BMP2K: variants seen among roughly 807,000 people sequenced by gnomAD.
BMP2K encodes the protein BMP-2-inducible protein kinase.
BMP2K carries 74 observed loss-of-function variants against 116.0 expected under a neutral mutation model. The ratio of observed to expected loss-of-function variants is 0.64; its 90% CI spans 0.53 to 0.77. The LOEUF (loss-of-function observed/expected upper bound fraction) is 0.77, where lower values mean the gene tolerates loss of function less well. BMP2K is among the 30% of genes least tolerant of loss of function. The pLI is 0.00. For missense variants in BMP2K, 1,365 were observed against 1,403.6 expected (o/e 0.97, Z 0.44); for synonymous variants, 486 against 502.5 (o/e 0.97, Z 0.44).
chr4:78,821,437 T>C (rs961688996), intron 1 of BMP2K, among the ~76,000 whole-genome samples: 10 of 152,182 alleles, frequency 6.6e-5, no homozygotes, highest in African/African-American at 2.4e-4. Flanking sequence ...CTGCCAGTGT[T>C]ATTGTAGCTG....
At chr4:78,778,878 A>C (rs566793674) in intron 1 of BMP2K, among the ~76,000 whole-genome samples, 8 of 152,360 alleles carry the variant, frequency 5.3e-5, no homozygotes, top group African/African-American at 1.7e-4. Context: ...GATACCACTG[A>C]GTAGGCAAAG....
chr4:78,884,349 A>G (rs1732985383), intron 14 of BMP2K, among the ~76,000 whole-genome samples: 1 of 152,158 alleles, frequency 6.6e-6, no homozygotes, highest in Admixed American at 6.5e-5. Flanking sequence ...AAAACAAACA[A>G]AAAAAACCAG....
At chr4:78,810,367 CAA>C (rs1319190262) in intron 1 of BMP2K, among the ~76,000 whole-genome samples, 2 of 152,190 alleles carry the variant, frequency 1.3e-5, no homozygotes, top group African/African-American at 2.4e-5. Flanking sequence ...TAGAGCTTTT[CAA>C]AGAGTTTTTC....
At chr4:78,897,228 T>C (rs1733752021) in intron 15 of BMP2K, among the ~76,000 whole-genome samples, 1 of 152,032 alleles carries the variant, frequency 6.6e-6, no homozygotes, top group Non-Finnish European at 1.5e-5. Flanking sequence ...GGAACTTACC[T>C]TAAGAAAATA....
chr4:78,882,266 A>G (rs187805538), intron 14 of BMP2K, among the ~76,000 whole-genome samples: 22 of 151,926 alleles, frequency 1.4e-4, no homozygotes, highest in Non-Finnish European at 2.7e-4. Context: ...TTGATTTCCT[A>G]TACTAGGCAA....
chr4:78,811,139 A>G (rs938809542), intron 1 of BMP2K, among the ~76,000 whole-genome samples: 19 of 152,112 alleles, frequency 1.2e-4, no homozygotes, highest in African/African-American at 4.6e-4. Flanking sequence ...TAACTCTTTT[A>G]CTGCACTTGT....
intron 14 of BMP2K, among the ~76,000 whole-genome samples, chr4:78,886,341 A>G (rs774962598): frequency 2.0e-5 from 3 of 152,198 alleles, no homozygotes; most frequent in Non-Finnish European, 4.4e-5. Context: ...CCTAGTAACT[A>G]ATAGAATCAC....
At chr4:78,811,474 A>G (rs1729087470) in intron 1 of BMP2K, among the ~76,000 whole-genome samples, 1 of 152,242 alleles carries the variant, frequency 6.6e-6, no homozygotes, top group South Asian at 2.1e-4. Flanking sequence ...AGTCTATCTT[A>G]TTAGAATTTC....
At chr4:78,872,966 TC>T (rs1732445529) in intron 13 of BMP2K, among the ~76,000 whole-genome samples, 168 bp downstream of exon 13, 1 of 152,224 alleles carries the variant, frequency 6.6e-6, no homozygotes, top group African/African-American at 2.4e-5. Context: ...TCCCCATCCT[TC>T]CGTTTCCTCA....
chr4:78,859,422 A>G (rs1330129250), intron 7 of BMP2K, 162 bp from the exon 8 acceptor site: 2 of 481,982 alleles, frequency 4.1e-6, no homozygotes, highest in Non-Finnish European at 7.2e-6. Context: ...TTTATAAAAT[A>G]GCAATTTCTG....
At chr4:78,790,297 A>C (rs1727936961) in intron 1 of BMP2K, among the ~76,000 whole-genome samples, 2 of 152,250 alleles carry the variant, frequency 1.3e-5, no homozygotes, top group South Asian at 4.1e-4. Flanking sequence ...TTGTTTGGGT[A>C]TAAAACTCAA....
Position 78,868,576 on chromosome 4 carries a change from T to A in BMP2K, c.1232-2207T>A, listed in dbSNP as rs547307269. ...AAAGTCCACAGTCCAAGGTCTCCTC[T>A]GAGACAGGGCAAGTCCCTTCCACCT... is the stretch of plus-strand genomic sequence containing the variant. On this transcript the variant is annotated intron_variant, in intron 10 of 15. Transcript: ENST00000502613. Among the ~76,000 whole-genome samples the A allele has an allele frequency of 5.9e-5, 9 of 152,296 alleles. No individual in the cohort carries two copies. In the South Asian group the frequency reaches 1.9e-3, roughly 32 times the overall value.
intron 1 of BMP2K, among the ~76,000 whole-genome samples, chr4:78,815,926 G>A (rs1475090568): frequency 6.6e-6 from 1 of 152,110 alleles, no homozygotes; most frequent in African/African-American, 2.4e-5. Flanking sequence ...GTGACATGAT[G>A]TATACAGATT....
In BMP2K at chr4:78,911,552, C is replaced by T; in HGVS notation, c.3005C>T (p.Thr1002Ile). ...GGGAAGCGGCATCATGGCACGCCAA[C>T]TAGCACAAAGAAGACTTTGAAGCCT... is the stretch of plus-strand genomic sequence containing the variant. Reference protein sequence around the residue: ...SNGKRHHGTPTSTKKTLKPTY... With the variant: ...SNGKRHHGTPISTKKTLKPTY... Residue 1002 changes from threonine to isoleucine, a missense_variant, in exon 16 of 16, where the codon ACT becomes ATT. Around this residue, in one of 3 missense-constraint regions of BMP2K, gnomAD observed 596 missense variants for 623.2 expected, o/e 0.96. Transcript: ENST00000502613. 1.2e-6 allele frequency: 2 copies of T among 1,613,980 alleles called. No individual in the cohort carries two copies. The highest frequency in any genetic ancestry group is 1.7e-5 in the Admixed American group (1 of 60,026).
intron 1 of BMP2K, among the ~76,000 whole-genome samples, chr4:78,808,613 G>A (rs979782933): frequency 1.3e-5 from 2 of 152,018 alleles, no homozygotes; most frequent in Non-Finnish European, 1.5e-5. Context: ...ATTCCCTCTA[G>A]GAACTACTTT....
At chr4:78,795,889 C>G (rs924862848) in intron 1 of BMP2K, among the ~76,000 whole-genome samples, 3 of 151,728 alleles carry the variant, frequency 2.0e-5, no homozygotes, top group Non-Finnish European at 4.4e-5. Context: ...AGTCAGGAAA[C>G]AACAGGTGCT....
At chr4:78,790,216 G>A (rs578048480) in intron 1 of BMP2K, among the ~76,000 whole-genome samples, 111 of 152,212 alleles carry the variant, frequency 7.3e-4, no homozygotes, top group African/African-American at 2.5e-3. Context: ...AAATAGAATG[G>A]TGCTTGATTT....
At chr4:78,823,650 A>G (rs1361056224) in intron 1 of BMP2K, among the ~76,000 whole-genome samples, 1 of 150,236 alleles carries the variant, frequency 6.7e-6, no homozygotes, top group Non-Finnish European at 1.5e-5. Flanking sequence ...ATGTCTGTAT[A>G]TCTGTATAAA....
rs143387111 is a variant in BMP2K, at chr4:78,864,022, A to T, written c.1068-1535A>T. Reference sequence around the variant, plus strand: ...GGTATGCTGTAAATTCTTTGAAGACAGGGTGTTATGCAGTGTTTTGCTGGA... The same window carrying T: ...GGTATGCTGTAAATTCTTTGAAGACTGGGTGTTATGCAGTGTTTTGCTGGA... On this transcript the variant is annotated intron_variant, in intron 9 of 15. Coordinates refer to ENST00000502613, the MANE Select transcript of BMP2K (RefSeq NM_198892.2). Among the ~76,000 whole-genome samples the T allele has an allele frequency of 4.2e-4, 64 of 152,288 alleles. No individual in the cohort carries two copies. The East Asian group carries it at 9.1e-3, about 22-fold the overall frequency.
Sources: allele counts gnomAD v4.1 joint callset (sites outside exome capture counted in the v4.1 genomes callset), GRCh38; gene constraint gnomAD v4.1.1; regional missense constraint gnomAD v4.1.1; transcripts MANE v1.5; gene names NCBI Gene and HGNC (gene_info 2026-07-23, HGNC 2026-07-21).